TCF12: variants seen among roughly 807,000 people sequenced by gnomAD.
TCF12 encodes DNA-binding protein HTF4.
TCF12 carries 45 observed loss-of-function variants against 86.0 expected under a neutral mutation model. The ratio of observed to expected loss-of-function variants is 0.52; its 90% CI spans 0.41 to 0.67. The LOEUF (loss-of-function observed/expected upper bound fraction) is 0.67. Ranked by LOEUF, TCF12 falls within the 30% of genes least tolerant of loss-of-function variation. The pLI is 0.00. For missense variants in TCF12, 881 were observed against 859.9 expected (o/e 1.02, Z -0.31); for synonymous variants, 330 against 299.6 (o/e 1.10, Z -1.05).
At chr15:57,075,271 AT>A (rs1351134552) in intron 4 of TCF12, among the ~76,000 whole-genome samples, 3 of 152,032 alleles carry the variant, frequency 2.0e-5, no homozygotes, top group African/African-American at 4.8e-5. Flanking sequence ...TTTTCCACTA[AT>A]TTTGCCTTAC....
At chr15:57,282,146 A>G (rs1225813966) in intron 19 of TCF12, 1 of 395,254 alleles carries the variant, frequency 2.5e-6, no homozygotes, top group East Asian at 6.0e-5. Flanking sequence ...TTGGTAGCCT[A>G]ATAACAACAG....
Position 57,048,046 on chromosome 15 carries a change from A to G in TCF12, c.149-15704A>G, listed in dbSNP as rs946669167. 2.0e-5 allele frequency among the ~76,000 whole-genome samples: 3 copies of G among 152,346 alleles called. No individual in the cohort carries two copies. In the South Asian group the frequency reaches 6.2e-4, roughly 32 times the overall value. ...TATAATCTTCTGGGACCACTGTCATATATGCCTTCCATAGTTGTTATGTGG... is the reference window on the plus strand; with the variant it reads ...TATAATCTTCTGGGACCACTGTCATGTATGCCTTCCATAGTTGTTATGTGG... On this transcript the variant is annotated intron_variant, in intron 3 of 20. Coordinates refer to ENST00000333725, the MANE Select transcript of TCF12 (RefSeq NM_207037.2).
chr15:57,223,272 G>A (rs1487412388), intron 8 of TCF12, among the ~76,000 whole-genome samples: 1 of 151,968 alleles, frequency 6.6e-6, no homozygotes, highest in African/African-American at 2.4e-5. Context: ...ATCATCCAAG[G>A]ACATGTAAAT....
chr15:56,988,309 G>T (rs1393446839), intron 3 of TCF12, among the ~76,000 whole-genome samples: 1 of 152,102 alleles, frequency 6.6e-6, no homozygotes, highest in Non-Finnish European at 1.5e-5. Context: ...TAGACTATGT[G>T]GTATAGCCTG....
At chr15:57,107,823 G>A (rs976014855) in intron 5 of TCF12, among the ~76,000 whole-genome samples, 5 of 152,110 alleles carry the variant, frequency 3.3e-5, no homozygotes, top group African/African-American at 4.8e-5. Flanking sequence ...TTGGAGAATC[G>A]CTTAAGCCCA....
chr15:57,061,165 TAG>T (rs2068431678), intron 3 of TCF12, among the ~76,000 whole-genome samples: 1 of 152,222 alleles, frequency 6.6e-6, no homozygotes, highest in African/African-American at 2.4e-5. Context: ...CTTTATTTTA[TAG>T]AAGTAGAGTC....
At chr15:56,966,960 T>G (rs958890780) in intron 3 of TCF12, among the ~76,000 whole-genome samples, 6 of 152,146 alleles carry the variant, frequency 3.9e-5, no homozygotes, top group African/African-American at 1.2e-4. Flanking sequence ...CTGTCTCTAC[T>G]AAAATACAAA....
intron 3 of TCF12, among the ~76,000 whole-genome samples, chr15:56,979,563 C>T (rs1333957804): frequency 6.6e-6 from 1 of 152,042 alleles, no homozygotes; most frequent in Non-Finnish European, 1.5e-5. Flanking sequence ...TTTTAGGAAG[C>T]AGAATGTGTC....
chr15:57,166,863 A>G (rs186958577), intron 6 of TCF12, among the ~76,000 whole-genome samples: 1 of 152,310 alleles, frequency 6.6e-6, no homozygotes, highest in African/African-American at 2.4e-5. Context: ...TTTGTTTTCA[A>G]TCCTGCATGT....
chr15:57,264,634 A>G (rs1204913722), intron 18 of TCF12, among the ~76,000 whole-genome samples: 2 of 152,214 alleles, frequency 1.3e-5, no homozygotes, highest in Non-Finnish European at 2.9e-5. Flanking sequence ...GATCATTAAT[A>G]TCACTGTCTT....
chr15:56,950,073 T>C (rs2061196810), intron 3 of TCF12, among the ~76,000 whole-genome samples: 1 of 152,226 alleles, frequency 6.6e-6, no homozygotes, highest in African/African-American at 2.4e-5. Context: ...ATCAAGGTGA[T>C]TGAATGTATA....
At position 57,288,338 on chromosome 15, in the gene TCF12, G is replaced by T. The variant is rs1312498603; in HGVS notation, c.*2193G>T. The stretch of plus-strand genomic sequence containing the variant: ...GAATTGCTTCTCATCTTGTTCTCCA[G>T]TTTCCATTGTTGGTTTATTGCAGAT... On this transcript the variant is annotated 3_prime_UTR_variant, in exon 21 of 21. Coordinates refer to ENST00000333725, the MANE Select transcript of TCF12 (RefSeq NM_207037.2). The T allele has an allele frequency of 1.3e-5, 2 of 152,596 alleles. No homozygotes were observed. Among genetic ancestry groups the T allele is most frequent in the Non-Finnish European group, 2.9e-5 (2 of 68,028 alleles). 9.5% of individuals were successfully genotyped at this position (152,596 alleles called of 1,614,324 possible). A position where few individuals can be genotyped will look rare whatever the true frequency, so the allele number is the denominator to read the frequency against.
At chr15:57,169,929 A>G (rs2055186982) in intron 6 of TCF12, among the ~76,000 whole-genome samples, 2 of 152,218 alleles carry the variant, frequency 1.3e-5, no homozygotes, top group South Asian at 4.1e-4. Flanking sequence ...CATTTGTACC[A>G]CATTTAATTC....
chr15:56,983,999 C>G (rs1408013057), intron 3 of TCF12, among the ~76,000 whole-genome samples: 25 of 2,092 alleles, frequency 0.012, no homozygotes, highest in South Asian at 0.056. Flanking sequence ...GAGACCCTGT[C>G]TCAAAAAAAA....
chr15:57,052,703 A>T (rs1433862189), intron 3 of TCF12, among the ~76,000 whole-genome samples: 1 of 151,918 alleles, frequency 6.6e-6, no homozygotes, highest in Non-Finnish European at 1.5e-5. Context: ...TCCTTATGTT[A>T]AGTAACAGTG....
chr15:57,175,454 T>A (rs1304047552), intron 6 of TCF12, among the ~76,000 whole-genome samples: 1 of 152,220 alleles, frequency 6.6e-6, no homozygotes, highest in Non-Finnish European at 1.5e-5. Context: ...AATTAGCAAG[T>A]TTCCAGTCCC....
At chr15:57,079,350 C>T (rs2070421715) in intron 4 of TCF12, among the ~76,000 whole-genome samples, 1 of 152,078 alleles carries the variant, frequency 6.6e-6, no homozygotes, top group Admixed American at 6.5e-5. Context: ...CTATTTCTCA[C>T]ACTAGAATCA....
intron 18 of TCF12, among the ~76,000 whole-genome samples, chr15:57,271,372 C>T (rs145899495): frequency 6.1e-4 from 93 of 152,322 alleles, no homozygotes; most frequent in African/African-American, 2.1e-3. Context: ...AGCAAGGCTC[C>T]GTGGGCCTGG....
intron 7 of TCF12, among the ~76,000 whole-genome samples, chr15:57,195,243 C>T (rs568061799): frequency 1.3e-5 from 2 of 152,262 alleles, no homozygotes; most frequent in Non-Finnish European, 2.9e-5. Flanking sequence ...CAGAAGTGGT[C>T]GGTGAATCCC....
Sources: gnomAD v4.1 joint callset for allele counts (sites outside exome capture counted in the v4.1 genomes callset) on GRCh38, gnomAD v4.1.1 for gene constraint, MANE v1.5 for transcripts, NCBI Gene and HGNC (gene_info 2026-07-23, HGNC 2026-07-21) for gene names.